Variants in SLC12A3 observed in about 807,000 individuals in gnomAD.
SLC12A3 encodes Na-Cl cotransporter.
SLC12A3 carries 104 observed loss-of-function variants against 121.0 expected under a neutral mutation model. The observed-to-expected ratio is 0.86, with a 90% CI of 0.73 to 1.01. SLC12A3 has a LOEUF of 1.01. Ranked by LOEUF, SLC12A3 falls within the 50% of genes least tolerant of loss-of-function variation. The pLI is 0.00. For synonymous variants in SLC12A3, 536 were observed against 533.4 expected, an observed-to-expected ratio of 1.00 and a Z score of -0.07; for missense variants, 1,328 against 1,356.3, an observed-to-expected ratio of 0.98 and a Z score of 0.33.
In SLC12A3 at chr16:56,884,174, C is replaced by T. The variant is rs199883951; in HGVS notation, c.1795C>T (p.Leu599Phe). ...ALIAIGVVLF[L>F]LLYVIYKKPE... ...CATCGCCATTGGCGTGGTGCTCTTCCTCCTGCTCTATGTCATCTACAAGAA... is the reference window on the plus strand; with the variant it reads ...CATCGCCATTGGCGTGGTGCTCTTCTTCCTGCTCTATGTCATCTACAAGAA... Residue 599 changes from leucine (L) to phenylalanine (F), a missense_variant, in exon 14 of 26, where the codon CTC becomes TTC. By Grantham distance (22) the Leu-to-Phe change is conservative. Transcript: ENST00000563236. 376 of 1,614,060 alleles carry T rather than the reference C, an allele frequency of 2.3e-4. 1 individual carries two copies. Among genetic ancestry groups the T allele is most frequent in the Non-Finnish European group, 3.1e-4 (361 of 1,180,022 alleles).
At chr16:56,899,829 C>T (rs1490494199) in intron 23 of SLC12A3, among the ~76,000 whole-genome samples, 1 of 152,252 alleles carries the variant, frequency 6.6e-6, no homozygotes, top group African/African-American at 2.4e-5. Context: ...AAGGCGGCTG[C>T]AGCCCCTGAC....
chr16:56,878,049 T>TCCC, intron 8 of SLC12A3, 28 bp from the exon 9 acceptor site: 3 of 288,254 alleles, frequency 1.0e-5, no homozygotes, highest in South Asian at 2.4e-5. Flanking sequence ...CCTCCCTCCC[T>TCCC]CCCTCCCTCT....
intron 1 of SLC12A3, among the ~76,000 whole-genome samples, chr16:56,866,142 C>T (rs1003393584): frequency 2.0e-5 from 3 of 151,938 alleles, no homozygotes; most frequent in African/African-American, 7.3e-5. Context: ...CGCACCACCA[C>T]ACCCAGCTAA....
intron 1 of SLC12A3, among the ~76,000 whole-genome samples, chr16:56,866,486 C>A (rs1446427820): frequency 6.6e-6 from 1 of 152,172 alleles, no homozygotes; most frequent in Non-Finnish European, 1.5e-5. Flanking sequence ...GGTTTCAAGA[C>A]CCAGCCCTCC....
rs753402173 is a variant in SLC12A3 at position 56,867,084 on chromosome 16, C to A, written c.297C>A (p.His99Gln). 10 of 1,613,430 alleles carry A rather than the reference C, an allele frequency of 6.2e-6. No homozygotes were observed. Among genetic ancestry groups the A allele is most frequent in the Non-Finnish European group, 8.5e-6 (10 of 1,180,034 alleles). The change falls in exon 2 of 26, where the codon CAC (histidine) becomes CAA (glutamine). Residue 99 changes from histidine (H) to glutamine (Q), a missense_variant. By Grantham distance (24) the His-to-Gln change is conservative. Transcript: ENST00000563236. ...LHSFLKQEGR[H>Q]LHALAFDSRP... ...TGGGCTGCCAGCAGGAAGGCAGACA[C>A]CTGCATGCCCTGGCCTTTGACAGCC...
In SLC12A3 at chr16:56,870,147, C is replaced by G. The variant is rs1168619369; in HGVS notation, c.653C>G (p.Ser218Cys). Residue 218 changes from serine (S) to cysteine (C), a missense_variant, in exon 5 of 26, where the codon TCC becomes TGC. Physicochemically the swap from Ser to Cys is moderately radical, Grantham distance 112 (BLOSUM62 -1). Transcript: ENST00000563236. Reference sequence around the variant, plus strand: ...AGTCTGGGCCCAGAGCTTGGGGGCTCCATCGGCCTCATTTTCGCTTTCGCC... The same window carrying G: ...AGTCTGGGCCCAGAGCTTGGGGGCTGCATCGGCCTCATTTTCGCTTTCGCC... ...SRSLGPELGGSIGLIFAFANA... is the reference protein window; with the variant it reads ...SRSLGPELGGCIGLIFAFANA... The G allele has an allele frequency of 6.2e-7, 1 of 1,614,064 alleles. No homozygotes were observed. Among genetic ancestry groups the G allele is most frequent in the Admixed American group, 1.7e-5 (1 of 60,022 alleles).
chr16:56,881,027 T>C (rs1300912802), intron 12 of SLC12A3, among the ~76,000 whole-genome samples: 3 of 152,216 alleles, frequency 2.0e-5, no homozygotes, highest in African/African-American at 7.2e-5. Context: ...CCTAATTTAC[T>C]TAGCCATGGA....
rs1355998186 is a variant in SLC12A3, at chr16:56,869,748, C to T, written c.525C>T (p.Ile175=). 1.2e-6 allele frequency: 2 copies of T among 1,614,174 alleles called. No homozygotes were observed. Among genetic ancestry groups the T allele is most frequent in the East Asian group, 2.2e-5 (1 of 44,880 alleles). ...CTGCAGTCCTGACCTGGATCATCATCCTGCTGTCGGTCACGGTGACCTCCA... is the reference window on the plus strand; with the variant it reads ...CTGCAGTCCTGACCTGGATCATCATTCTGCTGTCGGTCACGGTGACCTCCA... The part of the protein sequence containing the change: ...QAGIVLTWII[I]LLSVTVTSIT... Residue 175 remains isoleucine (I), a synonymous_variant, in exon 4 of 26, where the codon ATC becomes ATT. Transcript: ENST00000563236.
At chr16:56,902,055 C>A (rs886727120) in intron 23 of SLC12A3, among the ~76,000 whole-genome samples, 2 of 152,196 alleles carry the variant, frequency 1.3e-5, no homozygotes, top group Non-Finnish European at 2.9e-5. Flanking sequence ...TCTGTGAGGA[C>A]TGGGGACACA....
chr16:56,896,011 T>TGTAAATACA (rs2055457164), intron 22 of SLC12A3, among the ~76,000 whole-genome samples: 1 of 152,162 alleles, frequency 6.6e-6, no homozygotes, highest in Non-Finnish European at 1.5e-5. Flanking sequence ...GAGGAGCTGC[T>TGTAAATACA]GTAAATACAG....
At chr16:56,885,136 G>A (rs2055292733) in intron 14 of SLC12A3, 129 bp from the exon 15 acceptor site, 4 of 710,982 alleles carry the variant, frequency 5.6e-6, no homozygotes, top group South Asian at 4.5e-5. Flanking sequence ...GCCCATCCCA[G>A]GTGGCCCTGC....
chr16:56,894,438 G>A (rs767569553), intron 21 of SLC12A3, 93 bp from the exon 22 acceptor site: 20 of 850,434 alleles, frequency 2.4e-5, no homozygotes, highest in Non-Finnish European at 3.8e-5. Context: ...AGGAGAGGAA[G>A]GGGTTTGCTA....
chr16:56,881,318 T>C (rs1176213593), intron 12 of SLC12A3, among the ~76,000 whole-genome samples: 1 of 152,090 alleles, frequency 6.6e-6, no homozygotes, highest in African/African-American at 2.4e-5. Context: ...CATGAAGAGG[T>C]GGCAGGGATG....
rs550738357 is a variant in SLC12A3 at position 56,899,425 on chromosome 16, G to C, written c.2634-105G>C. On this transcript the variant is annotated intron_variant, in intron 22 of 25. Coordinates refer to ENST00000563236, the MANE Select transcript of SLC12A3 (RefSeq NM_001126108.2). ...AATTGCTTGAACCTGGGAGGCAGAG[G>C]TTGCAGTGAATCGAGATTGCACCAC... 939 of 851,878 alleles carry C rather than the reference G, an allele frequency of 1.1e-3. 14 individuals carry two copies. The South Asian group carries it at 0.012, about 11-fold the overall frequency. The allele number at this position is 851,878 out of a possible 1,614,324, so 52.8% of individuals were successfully genotyped here.
At chr16:56,911,680 A>ACT (rs2144789366) in intron 25 of SLC12A3, among the ~76,000 whole-genome samples, 1 of 121,904 alleles carries the variant, frequency 8.2e-6, no homozygotes, top group East Asian at 2.1e-4. Context: ...TGTGGATGGA[A>ACT]CTTCCAAGTG....
chr16:56,908,864 G>C (rs1271947842), intron 25 of SLC12A3, among the ~76,000 whole-genome samples: 1 of 152,232 alleles, frequency 6.6e-6, no homozygotes, highest in Non-Finnish European at 1.5e-5. Flanking sequence ...GTCCTGGGAC[G>C]CCTCCCCAGA....
At chr16:56,897,444 C>T (rs776975250) in intron 22 of SLC12A3, among the ~76,000 whole-genome samples, 2 of 152,220 alleles carry the variant, frequency 1.3e-5, no homozygotes, top group Non-Finnish European at 2.9e-5. Flanking sequence ...AGGATGGCCT[C>T]CCGTGCTCCA....
chr16:56,912,700 T>C (rs1424128367), intron 25 of SLC12A3, among the ~76,000 whole-genome samples: 1 of 152,202 alleles, frequency 6.6e-6, no homozygotes, highest in Non-Finnish European at 1.5e-5. Context: ...GCGAACATTC[T>C]AATGTGGGGA....
intron 24 of SLC12A3, 128 bp downstream of exon 24, chr16:56,902,636 G>T (rs1347426362): frequency 1.7e-6 from 2 of 1,164,664 alleles, no homozygotes; most frequent in East Asian, 5.1e-5. Context: ...GGCCCCTGAG[G>T]TATCCTCAAG....
Sources: gnomAD v4.1 joint callset for allele counts (sites outside exome capture counted in the v4.1 genomes callset) on GRCh38, gnomAD v4.1.1 for gene constraint, MANE v1.5 for transcripts, NCBI Gene and HGNC (gene_info 2026-07-23, HGNC 2026-07-21) for gene names.